The following ADAMTSL1 variants were observed in gnomAD, a reference collection of about 807,000 sequenced individuals.
ADAMTSL1 encodes ADAMTS like 1, also known as ADAMTS-like protein 1.
Under a neutral mutation model 201.8 loss-of-function variants are expected in ADAMTSL1, and 126 were observed. The observed-to-expected ratio is 0.62, with a 90% confidence interval of 0.54 to 0.72. The LOEUF is 0.72. Among genes scored for constraint, ADAMTSL1 ranks in the 30% least tolerant of loss-of-function variants. The probability of loss-of-function intolerance (pLI) is 0.00; values close to 1 mark genes in which losing one functional copy is unlikely to be tolerated. For synonymous variants in ADAMTSL1, 1,121 were observed against 903.4 expected (o/e 1.24, Z -4.32); for missense variants, 2,679 against 2,277.8 (o/e 1.18, Z -3.59).
At chr9:18,101,079 A>G (rs1385046096) in intron 1 of ADAMTSL1, among the ~76,000 whole-genome samples, 1 of 152,018 alleles carries the variant, frequency 6.6e-6, no homozygotes, top group Non-Finnish European at 1.5e-5. Context: ...TCTTTCTGTC[A>G]TCTGTGTTGA....
At chr9:18,363,230 C>T (rs1836607665) in intron 2 of ADAMTSL1, among the ~76,000 whole-genome samples, 1 of 152,234 alleles carries the variant, frequency 6.6e-6, no homozygotes, top group African/African-American at 2.4e-5. Flanking sequence ...GAGGGACCCA[C>T]ACCACTCCCA....
chr9:18,886,233 CATACAAGT>C (rs1828885414), intron 23 of ADAMTSL1, among the ~76,000 whole-genome samples: 1 of 122,308 alleles, frequency 8.2e-6, no homozygotes, highest in Non-Finnish European at 1.8e-5. Flanking sequence ...CATATACATA[CATACAAGT>C]ATATACATAC....
chr9:18,696,570 T>C lies in ADAMTSL1; in HGVS notation c.1575-10177T>C, dbSNP rs114979523. On this transcript the variant is annotated intron_variant, in intron 13 of 28. Transcript: ENST00000380548. ...AGTAAGGAGTGACAGAGGAAGAAAA[T>C]AGACCAGTGGCTATTGTGGTAGTCC... is the stretch of plus-strand genomic sequence containing the variant. Among the ~76,000 whole-genome samples the C allele has an allele frequency of 7.3e-3, 1,115 of 152,130 alleles. 13 individuals carry two copies. The highest frequency in any genetic ancestry group is 0.025 in the African/African-American group (1,055 of 41,502).
At chr9:18,038,877 A>G (rs1163732443) in intron 1 of ADAMTSL1, among the ~76,000 whole-genome samples, 5 of 152,210 alleles carry the variant, frequency 3.3e-5, no homozygotes, top group African/African-American at 9.6e-5. Context: ...ATAACTTCCC[A>G]CATAGCTGAA....
At chr9:18,713,380 G>A (rs1251622775) in intron 14 of ADAMTSL1, among the ~76,000 whole-genome samples, 1 of 152,086 alleles carries the variant, frequency 6.6e-6, no homozygotes, top group Admixed American at 6.6e-5. Context: ...ACACACATAG[G>A]CTCAAAATAA....
chr9:18,589,542 C>G (rs902989434), intron 4 of ADAMTSL1, among the ~76,000 whole-genome samples: 1 of 152,096 alleles, frequency 6.6e-6, no homozygotes, highest in Non-Finnish European at 1.5e-5. Flanking sequence ...TGACTTCTTC[C>G]TTTACAATTT....
chr9:18,275,730 A>G (rs375679039), intron 2 of ADAMTSL1, among the ~76,000 whole-genome samples: 3 of 152,222 alleles, frequency 2.0e-5, no homozygotes, highest in East Asian at 3.9e-4. Context: ...CATTGTTTAG[A>G]TGTACCAGAA....
intron 2 of ADAMTSL1, among the ~76,000 whole-genome samples, chr9:18,220,800 A>C (rs1184703586): frequency 6.6e-6 from 1 of 150,902 alleles, no homozygotes; most frequent in Non-Finnish European, 1.5e-5. Context: ...TTTTAAACAG[A>C]GTCTCTCTCT....
At chr9:18,555,046 C>T (rs775665602) in intron 3 of ADAMTSL1, among the ~76,000 whole-genome samples, 2 of 151,870 alleles carry the variant, frequency 1.3e-5, no homozygotes, top group African/African-American at 4.8e-5. Context: ...CCCCATAACC[C>T]GTGACAACTA....
At chr9:18,778,328 G>C (rs575662046) in intron 19 of ADAMTSL1, among the ~76,000 whole-genome samples, 3 of 152,316 alleles carry the variant, frequency 2.0e-5, no homozygotes, top group East Asian at 1.9e-4. Context: ...CCCCAGGGCT[G>C]GGCAGAGAAT....
chr9:18,830,917 C>CAT (rs1267413993), intron 23 of ADAMTSL1, among the ~76,000 whole-genome samples: 1 of 152,182 alleles, frequency 6.6e-6, no homozygotes, highest in Non-Finnish European at 1.5e-5. Flanking sequence ...TTGACAATAA[C>CAT]AGCTAGAATT....
chr9:18,211,581 TC>T (rs1829872025), intron 2 of ADAMTSL1, among the ~76,000 whole-genome samples: 1 of 152,170 alleles, frequency 6.6e-6, no homozygotes, highest in African/African-American at 2.4e-5. Context: ...AGACCACATG[TC>T]CCCACTCAGC....
chr9:18,232,021 G>C (rs34826359), intron 2 of ADAMTSL1, among the ~76,000 whole-genome samples: 27,125 of 152,166 alleles, frequency 0.18, 2,573 homozygotes, highest in East Asian at 0.24. Flanking sequence ...GTAACAGAGA[G>C]ATGTCAAAAC....
At chr9:18,183,116 C>G (rs138954975) in intron 2 of ADAMTSL1, among the ~76,000 whole-genome samples, 10 of 152,232 alleles carry the variant, frequency 6.6e-5, no homozygotes, top group East Asian at 1.9e-4. Context: ...AAGGAGCAAA[C>G]GCAACACAGT....
chr9:18,322,885 A>G (rs1488896553), intron 2 of ADAMTSL1, among the ~76,000 whole-genome samples: 1 of 152,234 alleles, frequency 6.6e-6, no homozygotes, highest in Non-Finnish European at 1.5e-5. Context: ...AGAAAATATC[A>G]ATAGCTCTAT....
chr9:18,832,641 C>G (rs1825061872), intron 23 of ADAMTSL1, among the ~76,000 whole-genome samples: 1 of 152,134 alleles, frequency 6.6e-6, no homozygotes, highest in South Asian at 2.1e-4. Flanking sequence ...CTCCCACAGC[C>G]AAGACATCCC....
chr9:18,447,711 A>G (rs1021346028), intron 2 of ADAMTSL1, among the ~76,000 whole-genome samples: 2 of 152,164 alleles, frequency 1.3e-5, no homozygotes, highest in Non-Finnish European at 2.9e-5. Context: ...CTGAATGTCT[A>G]TTGCTGTTCA....
chr9:17,913,800 G>A (rs1267167499), intron 1 of ADAMTSL1, among the ~76,000 whole-genome samples: 1 of 110,412 alleles, frequency 9.1e-6, no homozygotes, highest in Non-Finnish European at 1.8e-5. Flanking sequence ...AGAAAAGAGA[G>A]AAGAATCAAA....
chr9:18,765,377 AG>A (rs1820299370), intron 16 of ADAMTSL1, among the ~76,000 whole-genome samples: 1 of 152,184 alleles, frequency 6.6e-6, no homozygotes, highest in South Asian at 2.1e-4. Flanking sequence ...TTATAATCAA[AG>A]GATTAAATGA....
Sources: gnomAD v4.1 joint callset for allele counts (sites outside exome capture counted in the v4.1 genomes callset) on GRCh38, gnomAD v4.1.1 for gene constraint, MANE v1.5 for transcripts, NCBI Gene and HGNC (gene_info 2026-07-23, HGNC 2026-07-21) for gene names.